The following FKRP variants were observed in gnomAD, a reference collection of about 807,000 sequenced individuals.
The protein encoded by FKRP is fukutin related protein, also known as ribitol 5-phosphate transferase FKRP.
FKRP carries 25 observed loss-of-function variants against 30.6 expected under a neutral mutation model. The observed-to-expected ratio is 0.82, with a 90% CI of 0.60 to 1.14. The LOEUF (loss-of-function observed/expected upper bound fraction) is 1.14, where lower values mean the gene tolerates loss of function less well. Among genes scored for constraint, FKRP ranks in the 50% most tolerant of loss-of-function variants. The pLI is 0.00. For missense variants in FKRP, 771 were observed against 727.8 expected, an observed-to-expected ratio of 1.06 and a Z score of -0.68; for synonymous variants, 358 against 342.5, an observed-to-expected ratio of 1.05 and a Z score of -0.50.
rs1182216455 is a variant in FKRP at position 46,757,220 on chromosome 19, G to C, written c.*282G>C. 1.8e-6 allele frequency: 1 copy of C among 561,782 alleles called. No homozygotes were observed. Among genetic ancestry groups the C allele is most frequent in the African/African-American group, 1.9e-5 (1 of 52,806 alleles). 34.8% of individuals were successfully genotyped at this position (561,782 alleles called of 1,614,324 possible). ...TCATCTCAGTCATGGAGGGAGACGG[G>C]GATGTCACGCCGTCCCGCAGGGCCC... On this transcript the variant is annotated 3_prime_UTR_variant, in exon 4 of 4. Transcript: ENST00000318584.
chr19:46,753,503 T>C (rs946562034), intron 3 of FKRP, among the ~76,000 whole-genome samples: 26 of 145,866 alleles, frequency 1.8e-4, no homozygotes, highest in Non-Finnish European at 3.5e-4. Flanking sequence ...TTTGAGAAAA[T>C]GTTCAGGGTG....
chr19:46,752,316 G>A (rs1392353522), intron 3 of FKRP, among the ~76,000 whole-genome samples: 3 of 152,164 alleles, frequency 2.0e-5, no homozygotes, highest in Non-Finnish European at 2.9e-5. Context: ...ACCATCTCAT[G>A]TGTGTTCGGA....
rs1201804052 is a variant in FKRP, at chr19:46,755,878, G to A, written c.428G>A (p.Arg143His). The A allele has an allele frequency of 2.0e-6, 3 of 1,495,870 alleles. No individual in the cohort carries two copies. Among genetic ancestry groups the A allele is most frequent in the Admixed American group, 4.4e-5 (2 of 45,482 alleles). The allele number at this position is 1,495,870 out of a possible 1,614,324, so 92.7% of individuals were successfully genotyped here. A position where few individuals can be genotyped will look rare whatever the true frequency, so the allele number is the denominator to read the frequency against. ...GCTGAGGCACCTGGCCTGCTGGAGCGCATGGTGGAGGCGCTCCGCGCAGGA... is the reference window on the plus strand; with the variant it reads ...GCTGAGGCACCTGGCCTGCTGGAGCACATGGTGGAGGCGCTCCGCGCAGGA... ...ARAEAPGLLE[R>H]MVEALRAGSA... Residue 143 changes from arginine (R) to histidine (H), a missense_variant, in exon 4 of 4, where the codon CGC (arginine) becomes CAC (histidine). Transcript: ENST00000318584.
intron 3 of FKRP, chr19:46,753,924 C>G (rs982933877): frequency 1.3e-5 from 2 of 151,970 alleles, no homozygotes; most frequent in East Asian, 3.9e-4. Context: ...TGCTGGAGAC[C>G]GGCCAGCCAA....
chr19:46,756,173 C>A lies in FKRP; in HGVS notation c.723C>A (p.Ala241=). ...WAVQLLDLTF[A]AARQPPLATA... is the part of the protein sequence containing the mutation. ...TGCAGCTGCTGGACTTGACCTTCGC[C>A]GCGGCGCGCCAGCCCCCGCTGGCCA... Residue 241 remains alanine, a synonymous_variant, in exon 4 of 4, where the codon GCC becomes GCA. Transcript: ENST00000318584. The surrounding 1 kb of genome is among the most constrained non-coding windows in gnomAD (Gnocchi z 6.6). 1 of 1,445,892 alleles carries A rather than the reference C, an allele frequency of 6.9e-7. No homozygotes were observed. The highest frequency in any genetic ancestry group is 1.5e-5 in the African/African-American group (1 of 66,688). 89.6% of individuals were successfully genotyped at this position (1,445,892 alleles called of 1,614,324 possible).
At position 46,755,852 on chromosome 19, in the gene FKRP, G is replaced by A; in HGVS notation, c.402G>A (p.Arg134=). ...TGGCCCTAGTACCTGATGGGGCGCG[G>A]GCTGAGGCACCTGGCCTGCTGGAGC... ...EFVALVPDGA[R]AEAPGLLERM... The change falls in exon 4 of 4, where the codon CGG becomes CGA. Residue 134 remains arginine, a synonymous_variant. Transcript: ENST00000318584. 2 of 1,491,158 alleles carry A rather than the reference G, an allele frequency of 1.3e-6. No individual in the cohort carries two copies. The highest frequency in any genetic ancestry group is 1.3e-5 in the South Asian group (1 of 77,238). 92.4% of individuals were successfully genotyped at this position (1,491,158 alleles called of 1,614,324 possible). A position where few individuals can be genotyped will look rare whatever the true frequency, so the allele number is the denominator to read the frequency against.
rs1335772208 is a variant in FKRP, at chr19:46,746,433, A to T, written c.-253+343A>T. On this transcript the variant is annotated intron_variant, in intron 1 of 3. Coordinates refer to ENST00000318584, the MANE Select transcript of FKRP (RefSeq NM_024301.5). Reference sequence around the variant, plus strand: ...GCGGCCGCTCGCTCCTCCATCATGGAGGCCCCGGGGCCGGCCTGCGCGCCC... The same window carrying T: ...GCGGCCGCTCGCTCCTCCATCATGGTGGCCCCGGGGCCGGCCTGCGCGCCC... The T allele has an allele frequency of 6.9e-6, 7 of 1,014,820 alleles. No homozygotes were observed. The Admixed American group carries it at 2.9e-4, about 43-fold the overall frequency. The allele number at this position is 1,014,820 out of a possible 1,614,324, so 62.9% of individuals were successfully genotyped here.
Position 46,755,909 on chromosome 19 carries a change from A to C in FKRP, c.459A>C (p.Ala153=). 4 of 1,525,076 alleles carry C rather than the reference A, an allele frequency of 2.6e-6. No homozygotes were observed. Among genetic ancestry groups the C allele is most frequent in the Non-Finnish European group, 2.6e-6 (3 of 1,141,654 alleles). The allele number at this position is 1,525,076 out of a possible 1,614,324, so 94.5% of individuals were successfully genotyped here. A position where few individuals can be genotyped will look rare whatever the true frequency, so the allele number is the denominator to read the frequency against. ...RMVEALRAGS[A]RLVAAPVATA... ...TGGAGGCGCTCCGCGCAGGAAGCGC[A>C]CGTCTGGTGGCCGCCCCGGTTGCCA... is the stretch of plus-strand genomic sequence containing the variant. Residue 153 remains alanine, a synonymous_variant, in exon 4 of 4, where the codon GCA becomes GCC. Coordinates refer to ENST00000318584, the MANE Select transcript of FKRP (RefSeq NM_024301.5).
intron 1 of FKRP, chr19:46,747,289 CG>C (rs1338567141): frequency 1.3e-5 from 2 of 152,250 alleles, no homozygotes; most frequent in African/African-American, 4.8e-5. Context: ...GACCTTCCTC[CG>C]GAAGGTGAGA....
At chr19:46,755,219 C>G (rs1379298802) in intron 3 of FKRP, among the ~76,000 whole-genome samples, 193 bp from the exon 4 acceptor site, 1 of 152,028 alleles carries the variant, frequency 6.6e-6, no homozygotes, top group Non-Finnish European at 1.5e-5. Context: ...TCTGAGGACA[C>G]CCAGAGTTGG....
At position 46,757,433 on chromosome 19, in the gene FKRP, G is replaced by C. The variant is rs570521983; in HGVS notation, c.*495G>C. 1.5e-3 allele frequency: 277 copies of C among 185,138 alleles called. No individual in the cohort carries two copies. Among genetic ancestry groups the C allele is most frequent in the African/African-American group, 6.4e-3 (268 of 42,110 alleles). The allele number at this position is 185,138 out of a possible 1,614,324, so 11.5% of individuals were successfully genotyped here. A position where few individuals can be genotyped will look rare whatever the true frequency, so the allele number is the denominator to read the frequency against. The stretch of plus-strand genomic sequence containing the variant: ...GTCGCAGTCTCTCTGTGCCTCAGTT[G>C]CTTCCAGGATGCGGGACCCTTGGCT... On this transcript the variant is annotated 3_prime_UTR_variant, in exon 4 of 4. Transcript: ENST00000318584.
In FKRP at chr19:46,755,449, C is replaced by G; in HGVS notation, c.-2C>G. Reference sequence around the variant, plus strand: ...GCCCAGCTAGCCCCAGACTTCGGCCCCATGCGGCTCACCCGCTGCCAGGCT... The same window carrying G: ...GCCCAGCTAGCCCCAGACTTCGGCCGCATGCGGCTCACCCGCTGCCAGGCT... On this transcript the variant is annotated 5_prime_UTR_variant, in exon 4 of 4. Transcript: ENST00000318584. 6.2e-7 allele frequency: 1 copy of G among 1,604,274 alleles called. No individual in the cohort carries two copies. The highest frequency in any genetic ancestry group is 1.1e-5 in the South Asian group (1 of 90,536).
At chr19:46,752,719 G>T (rs1046800477) in intron 3 of FKRP, among the ~76,000 whole-genome samples, 2 of 152,104 alleles carry the variant, frequency 1.3e-5, no homozygotes, top group Non-Finnish European at 1.5e-5. Flanking sequence ...TGAAAAATTA[G>T]CCAGGCACAG....
In FKRP at chr19:46,758,328, G is replaced by C. The variant is rs747113688; in HGVS notation, c.*1390G>C. On this transcript the variant is annotated 3_prime_UTR_variant, in exon 4 of 4. Transcript: ENST00000318584. ...AGGGGCTTGGAGACCCACTTAGCAG[G>C]TGAAAGCAATGGCAGCCTTCCTTAT... 1 of 166,994 alleles carries C rather than the reference G, an allele frequency of 6.0e-6. No homozygotes were observed. Among genetic ancestry groups the C allele is most frequent in the African/African-American group, 2.4e-5 (1 of 41,426 alleles). The allele number at this position is 166,994 out of a possible 1,614,324, so 10.3% of individuals were successfully genotyped here. A position where few individuals can be genotyped will look rare whatever the true frequency, so the allele number is the denominator to read the frequency against.
chr19:46,750,616 C>T (rs1384977214), intron 3 of FKRP, among the ~76,000 whole-genome samples: 1 of 152,140 alleles, frequency 6.6e-6, no homozygotes, highest in Non-Finnish European at 1.5e-5. Flanking sequence ...GCCTCCACCT[C>T]CTGGGCTCAA....
In FKRP at chr19:46,756,013, C is replaced by A; in HGVS notation, c.563C>A (p.Ala188Glu). The A allele has an allele frequency of 6.4e-7, 1 of 1,568,862 alleles. No homozygotes were observed. The highest frequency in any genetic ancestry group is 1.4e-5 in the African/African-American group (1 of 73,600). The stretch of plus-strand genomic sequence containing the variant: ...GCCCGCTATGGCGCAGCCCCCGCCG[C>A]GCCCCGCTGCGACGCCCTGGACGGA... ...WTARYGAAPA[A>E]PRCDALDGDA... The change falls in exon 4 of 4, where the codon GCG (alanine) becomes GAG (glutamate). Residue 188 changes from alanine (A) to glutamate (E), a missense_variant. Coordinates refer to ENST00000318584, the MANE Select transcript of FKRP (RefSeq NM_024301.5). This position sits in a 1 kb window ranked among gnomAD's most constrained non-coding sequence, Gnocchi z 6.6.
At chr19:46,749,805 C>T (rs868425627) in intron 3 of FKRP, among the ~76,000 whole-genome samples, 10 of 152,018 alleles carry the variant, frequency 6.6e-5, no homozygotes, top group Admixed American at 1.3e-4. Flanking sequence ...GCAACCTCTG[C>T]CTCCTAGACT....
At chr19:46,745,036 C>T (rs1259334280), upstream of FKRP, among the ~76,000 whole-genome samples, 1 of 149,422 alleles carries the variant, frequency 6.7e-6, no homozygotes, top group Non-Finnish European at 1.5e-5. Flanking sequence ...TTCCCCCCAA[C>T]CCCAGTCTAC....
intron 3 of FKRP, chr19:46,754,419 TCTCA>T (rs2054863177): frequency 6.9e-6 from 1 of 144,032 alleles, no homozygotes; most frequent in Non-Finnish European, 1.5e-5. Context: ...TTTGAGACAG[TCTCA>T]CTCTGTTGCC....
Sources: allele counts gnomAD v4.1 joint callset (sites outside exome capture counted in the v4.1 genomes callset), GRCh38; gene constraint gnomAD v4.1.1; non-coding constraint Gnocchi (gnomAD v3.1); transcripts MANE v1.5; gene names NCBI Gene and HGNC (gene_info 2026-07-23, HGNC 2026-07-21).